Variants in LRRIQ3 observed in about 807,000 individuals in gnomAD.
LRRIQ3 encodes leucine-rich repeat and IQ domain-containing protein 3.
A neutral mutation model predicts 59.3 loss-of-function variants in LRRIQ3; 75 were observed. That is an observed-to-expected ratio of 1.26 (90% confidence interval 1.05 to 1.53). The LOEUF is 1.53. LRRIQ3 is among the 40% of genes most tolerant of loss of function. The pLI, the probability that LRRIQ3 is intolerant of heterozygous loss-of-function variation, is 0.00. For missense variants in LRRIQ3, 831 were observed against 710.0 expected, an observed-to-expected ratio of 1.17 and a Z score of -1.94; for synonymous variants, 250 against 231.3, an observed-to-expected ratio of 1.08 and a Z score of -0.73.
intron 1 of LRRIQ3, among the ~76,000 whole-genome samples, chr1:74,188,549 A>T (rs1650556641): frequency 6.6e-6 from 1 of 152,164 alleles, no homozygotes; most frequent in Admixed American, 6.6e-5. Context: ...TCTAGTCATT[A>T]TTTAGACTCT....
chr1:74,135,003 T>C lies in LRRIQ3; in HGVS notation c.707+20730A>G, dbSNP rs185474753. 2.5e-3 allele frequency among the ~76,000 whole-genome samples: 373 copies of C among 152,028 alleles called. 1 individual carries two copies. Among genetic ancestry groups the C allele is most frequent in the African/African-American group, 8.5e-3 (352 of 41,522 alleles). On this transcript the variant is annotated intron_variant, in intron 4 of 7. Transcript: ENST00000354431. Reference sequence around the variant, plus strand: ...AACGTAAGTTTCTAACTACAATCTGTCTACAAAAGAAACTTTAAAATTCAG... The same window carrying C: ...AACGTAAGTTTCTAACTACAATCTGCCTACAAAAGAAACTTTAAAATTCAG...
chr1:74,148,485 T>G (rs187815636), intron 4 of LRRIQ3, among the ~76,000 whole-genome samples: 1 of 152,204 alleles, frequency 6.6e-6, no homozygotes, highest in East Asian at 1.9e-4. Flanking sequence ...ATGGCATACA[T>G]GGGTGGCAGT....
intron 4 of LRRIQ3, among the ~76,000 whole-genome samples, chr1:74,133,628 C>T (rs2086787): frequency 0.53 from 80,259 of 150,872 alleles, 21,735 homozygotes; most frequent in East Asian, 0.82. Context: ...AACCAAACAC[C>T]GCATGTTCTC....
intron 1 of LRRIQ3, among the ~76,000 whole-genome samples, chr1:74,192,037 TA>T (rs1022096262): frequency 2.0e-5 from 3 of 152,022 alleles, no homozygotes; most frequent in African/African-American, 7.2e-5. Flanking sequence ...ATAGTCTCTA[TA>T]AAAAATAAAT....
chr1:74,063,109 A>C (rs1396962047), intron 6 of LRRIQ3, among the ~76,000 whole-genome samples: 2 of 151,796 alleles, frequency 1.3e-5, no homozygotes, highest in African/African-American at 2.4e-5. Context: ...CAAAACAAAA[A>C]ACCCCAAAAC....
chr1:74,045,139 C>G (rs546159086), intron 6 of LRRIQ3, among the ~76,000 whole-genome samples: 1 of 152,102 alleles, frequency 6.6e-6, no homozygotes, highest in African/African-American at 2.4e-5. Context: ...GATACCAAGA[C>G]CTGGCACAGA....
intron 3 of LRRIQ3, chr1:74,180,466 CTTT>C (rs1325572016): frequency 5.1e-6 from 2 of 392,044 alleles, no homozygotes; most frequent in East Asian, 4.2e-5. Context: ...ATTATTTCTT[CTTT>C]AATATCCTGC....
chr1:74,050,972 A>G (rs1411634887), intron 6 of LRRIQ3, among the ~76,000 whole-genome samples: 3 of 152,216 alleles, frequency 2.0e-5, no homozygotes, highest in African/African-American at 7.2e-5. Context: ...TAAGATCACC[A>G]TAATAAAGAA....
intron 7 of LRRIQ3, among the ~76,000 whole-genome samples, chr1:74,031,983 A>T (rs897335984): frequency 2.6e-5 from 4 of 151,992 alleles, no homozygotes; most frequent in Non-Finnish European, 5.9e-5. Flanking sequence ...AAATTTAAAA[A>T]GATCTAAATT....
chr1:74,059,200 A>G (rs1010917562), intron 6 of LRRIQ3, among the ~76,000 whole-genome samples: 6 of 151,678 alleles, frequency 4.0e-5, no homozygotes, highest in Admixed American at 1.3e-4. Flanking sequence ...TATTTTTTCA[A>G]CTTTGATGTG....
chr1:74,109,973 T>C (rs1646671831), intron 4 of LRRIQ3, among the ~76,000 whole-genome samples: 1 of 151,768 alleles, frequency 6.6e-6, no homozygotes, highest in African/African-American at 2.4e-5. Context: ...TGTACTTCAT[T>C]ACAAACTAGG....
At chr1:74,057,420 T>A (rs901664554) in intron 6 of LRRIQ3, among the ~76,000 whole-genome samples, 1 of 152,002 alleles carries the variant, frequency 6.6e-6, no homozygotes, top group Non-Finnish European at 1.5e-5. Flanking sequence ...TGGAACATAA[T>A]AGAGAGCCCA....
chr1:74,142,485 C>T (rs1046305392), intron 4 of LRRIQ3, among the ~76,000 whole-genome samples: 4 of 151,956 alleles, frequency 2.6e-5, no homozygotes, highest in Admixed American at 2.0e-4. Flanking sequence ...TGTAATGTGA[C>T]TTTCTGACTT....
At chr1:74,027,836 TA>T (rs1293023323) in intron 7 of LRRIQ3, among the ~76,000 whole-genome samples, 1 of 151,938 alleles carries the variant, frequency 6.6e-6, no homozygotes, top group Non-Finnish European at 1.5e-5. Flanking sequence ...TTAAGAGAAA[TA>T]AATGTATATA....
chr1:74,180,603 C>A, intron 3 of LRRIQ3: 1 of 981,150 alleles, frequency 1.0e-6, no homozygotes. Flanking sequence ...TATTTCCACA[C>A]TTATTCTTCT....
At chr1:74,157,437 G>A (rs1648404554) in intron 3 of LRRIQ3, among the ~76,000 whole-genome samples, 1 of 152,010 alleles carries the variant, frequency 6.6e-6, no homozygotes, top group Admixed American at 6.5e-5. Context: ...CATATATAAA[G>A]ATGATATAAC....
At chr1:74,109,060 T>C (rs1162086398) in intron 5 of LRRIQ3, among the ~76,000 whole-genome samples, 4 of 151,664 alleles carry the variant, frequency 2.6e-5, no homozygotes, top group African/African-American at 4.8e-5. Flanking sequence ...ATTATAGAGT[T>C]CCCACTCTTT....
chr1:74,074,665 T>C lies in LRRIQ3; in HGVS notation c.993A>G (p.Gln331=). The C allele has an allele frequency of 7.5e-7, 1 of 1,333,934 alleles. No homozygotes were observed. The highest frequency in any genetic ancestry group is 3.2e-5 in the Admixed American group (1 of 31,580). 82.6% of individuals were successfully genotyped at this position (1,333,934 alleles called of 1,614,324 possible). Residue 331 remains glutamine, a synonymous_variant, in exon 6 of 8, where the codon CAA becomes CAG. Coordinates refer to ENST00000354431, the MANE Select transcript of LRRIQ3 (RefSeq NM_001105659.2). ...MKSKTSRHLI[Q]KGQESEDEIV... is the part of the protein sequence containing the mutation. ...TTAAAAATTCATATAACTAACCTTTTTGAATGAGATGTCTTGATGTTTTTG... is the reference window on the plus strand; with the variant it reads ...TTAAAAATTCATATAACTAACCTTTCTGAATGAGATGTCTTGATGTTTTTG...
chr1:74,040,675 AT>A (rs1654016658), intron 7 of LRRIQ3, among the ~76,000 whole-genome samples: 1 of 152,132 alleles, frequency 6.6e-6, no homozygotes, highest in Non-Finnish European at 1.5e-5. Context: ...ATTGAACAAC[AT>A]GCTCCTGAAT....
Sources: gnomAD v4.1 joint callset for allele counts (sites outside exome capture counted in the v4.1 genomes callset) on GRCh38, gnomAD v4.1.1 for gene constraint, MANE v1.5 for transcripts, NCBI Gene and HGNC (gene_info 2026-07-23, HGNC 2026-07-21) for gene names.